Variants in KATNAL2 observed in about 807,000 individuals in gnomAD.
KATNAL2 encodes the protein katanin catalytic subunit A1 like 2.
Under a neutral mutation model 76.3 loss-of-function variants are expected in KATNAL2, and 52 were observed. The ratio of observed to expected loss-of-function variants is 0.68; its 90% CI spans 0.55 to 0.86. The LOEUF (loss-of-function observed/expected upper bound fraction) is 0.86. Ranked by LOEUF, KATNAL2 falls within the 40% of genes least tolerant of loss-of-function variation. The probability of loss-of-function intolerance (pLI) is 0.00; values close to 1 mark genes in which losing one functional copy is unlikely to be tolerated. For synonymous variants in KATNAL2, 243 were observed against 244.2 expected (o/e 1.00, Z 0.05); for missense variants, 660 against 668.9 (o/e 0.99, Z 0.15).
At chr18:46,948,541 C>T (rs2059451894) in intron 3 of KATNAL2, among the ~76,000 whole-genome samples, 1 of 151,650 alleles carries the variant, frequency 6.6e-6, no homozygotes, top group Non-Finnish European at 1.5e-5. Flanking sequence ...TCTCCTGCCT[C>T]AGCCTCCCGA....
chr18:46,934,861 A>G (rs575189183), intron 1 of KATNAL2, among the ~76,000 whole-genome samples: 138 of 152,270 alleles, frequency 9.1e-4, no homozygotes, highest in African/African-American at 3.2e-3. Flanking sequence ...TCAGCTTTCT[A>G]CATATGTCTA....
intron 3 of KATNAL2, among the ~76,000 whole-genome samples, chr18:46,956,305 T>C (rs1384316359): frequency 1.3e-5 from 2 of 152,294 alleles, no homozygotes; most frequent in East Asian, 3.9e-4. Context: ...ATGGTACTGG[T>C]GTTTTGAGAT....
At chr18:47,097,686 T>A (rs1181942608) in intron 15 of KATNAL2, among the ~76,000 whole-genome samples, 3 of 152,232 alleles carry the variant, frequency 2.0e-5, no homozygotes, top group Non-Finnish European at 4.4e-5. Context: ...CTGGATTTTG[T>A]CAGAAAATGA....
At chr18:46,921,657 G>A (rs575302216) in intron 1 of KATNAL2, among the ~76,000 whole-genome samples, 8 of 151,516 alleles carry the variant, frequency 5.3e-5, no homozygotes, top group Non-Finnish European at 8.8e-5. Flanking sequence ...AAACAGCTAA[G>A]CTGATTTTGA....
At chr18:46,936,071 A>G (rs1317808881) in intron 1 of KATNAL2, among the ~76,000 whole-genome samples, 3 of 152,210 alleles carry the variant, frequency 2.0e-5, no homozygotes, top group Non-Finnish European at 4.4e-5. Flanking sequence ...ATATGGCCTC[A>G]GTGTATGATA....
intron 3 of KATNAL2, chr18:47,034,671 A>T: frequency 6.2e-7 from 1 of 1,613,452 alleles, no homozygotes; most frequent in Non-Finnish European, 8.5e-7. Flanking sequence ...GAGCCGCGTG[A>T]GTGTGGCCTC....
intron 3 of KATNAL2, among the ~76,000 whole-genome samples, chr18:47,044,862 T>C (rs1035010131): frequency 3.9e-5 from 6 of 152,144 alleles, no homozygotes; most frequent in African/African-American, 7.2e-5. Flanking sequence ...AGTAAGAAGA[T>C]TGCTTGAGGC....
intron 3 of KATNAL2, among the ~76,000 whole-genome samples, chr18:47,037,724 C>T (rs1225142076): frequency 1.3e-5 from 2 of 152,276 alleles, no homozygotes; most frequent in South Asian, 2.1e-4. Flanking sequence ...ACTCTCTTTT[C>T]CTGCTTTACT....
At chr18:46,942,038 A>G (rs1185973987) in intron 1 of KATNAL2, among the ~76,000 whole-genome samples, 1 of 152,178 alleles carries the variant, frequency 6.6e-6, no homozygotes, top group Non-Finnish European at 1.5e-5. Flanking sequence ...GGCGGGAGTC[A>G]GGGCAGAGCA....
chr18:46,924,479 C>T (rs2058669263), intron 1 of KATNAL2, among the ~76,000 whole-genome samples: 3 of 152,088 alleles, frequency 2.0e-5, no homozygotes. Context: ...GTTACTGTGG[C>T]CTTGTAGTAT....
intron 15 of KATNAL2, among the ~76,000 whole-genome samples, chr18:47,093,834 T>G (rs1170825768): frequency 6.6e-6 from 1 of 152,236 alleles, no homozygotes; most frequent in Non-Finnish European, 1.5e-5. Flanking sequence ...TGTCCTACTC[T>G]GTGAGAGATT....
At chr18:47,080,878 CTTTTT>C (rs2062476906) in intron 15 of KATNAL2, among the ~76,000 whole-genome samples, 1 of 152,062 alleles carries the variant, frequency 6.6e-6, no homozygotes, top group South Asian at 2.1e-4. Flanking sequence ...TAAAATTTTT[CTTTTT>C]ATTATTGAGT....
chr18:46,965,226 C>T (rs1174174564), intron 3 of KATNAL2, among the ~76,000 whole-genome samples: 66 of 117,028 alleles, frequency 5.6e-4, no homozygotes, highest in East Asian at 4.4e-4. Context: ...CTTAAAGCCC[C>T]CAGGGTCCTG....
intron 3 of KATNAL2, among the ~76,000 whole-genome samples, chr18:46,958,331 G>T (rs534603173): frequency 2.6e-5 from 4 of 151,882 alleles, no homozygotes; most frequent in Non-Finnish European, 5.9e-5. Flanking sequence ...ATAATCACAT[G>T]AGCGTTATAA....
At chr18:46,933,000 T>C (rs915460691) in intron 1 of KATNAL2, among the ~76,000 whole-genome samples, 5 of 152,040 alleles carry the variant, frequency 3.3e-5, no homozygotes, top group African/African-American at 1.2e-4. Context: ...TGACCTCAGG[T>C]GATCCGCCCT....
intron 3 of KATNAL2, chr18:47,033,171 G>A (rs767042449): frequency 1.9e-6 from 3 of 1,614,094 alleles, no homozygotes; most frequent in South Asian, 2.2e-5. Flanking sequence ...GGATGCTGCT[G>A]CTGCTGTCTC....
At chr18:47,031,774 G>A (rs2060466643) in intron 3 of KATNAL2, among the ~76,000 whole-genome samples, 1 of 152,102 alleles carries the variant, frequency 6.6e-6, no homozygotes, top group African/African-American at 2.4e-5. Flanking sequence ...CTCCCCACCT[G>A]GACTTTTTTG....
intron 1 of KATNAL2, among the ~76,000 whole-genome samples, chr18:46,935,883 T>G (rs954070071): frequency 6.6e-6 from 1 of 152,006 alleles, no homozygotes; most frequent in Non-Finnish European, 1.5e-5. Flanking sequence ...ACCACTGCCC[T>G]CCAGCCTGGG....
At chr18:47,034,280 T>A (rs1329448558) in intron 3 of KATNAL2, 1 of 1,613,706 alleles carries the variant, frequency 6.2e-7, no homozygotes, top group Non-Finnish European at 8.5e-7. Flanking sequence ...AGGCCGTGTG[T>A]CCCATTTCCT....
Sources: allele counts gnomAD v4.1 joint callset (sites outside exome capture counted in the v4.1 genomes callset), GRCh38; gene constraint gnomAD v4.1.1; transcripts MANE v1.5; gene names NCBI Gene and HGNC (gene_info 2026-07-23, HGNC 2026-07-21).